Variants in ELL observed in about 807,000 individuals in gnomAD.
The protein encoded by ELL is RNA polymerase II elongation factor ELL.
ELL carries 18 observed loss-of-function variants against 64.0 expected under a neutral mutation model. The observed-to-expected ratio is 0.28, with a 90% CI of 0.19 to 0.42. The LOEUF (loss-of-function observed/expected upper bound fraction) is 0.42. Ranked by LOEUF, ELL falls within the 10% of genes least tolerant of loss-of-function variation. ELL has a pLI of 1.00. For synonymous variants in ELL, 399 were observed against 376.2 expected (o/e 1.06, Z -0.70); for missense variants, 797 against 870.4 (o/e 0.92, Z 1.06).
chr19:18,467,749 C>T (rs1325103493), intron 2 of ELL, among the ~76,000 whole-genome samples: 2 of 135,254 alleles, frequency 1.5e-5, no homozygotes, highest in East Asian at 2.3e-4. Context: ...CACACAAACA[C>T]AACCCCTCCA....
At chr19:18,453,023 G>T (rs1203524162) in intron 6 of ELL, among the ~76,000 whole-genome samples, 2 of 152,254 alleles carry the variant, frequency 1.3e-5, no homozygotes, top group Non-Finnish European at 2.9e-5. Context: ...TGTAATCCCA[G>T]CACTTTGGGA....
Position 18,522,050 on chromosome 19 carries a change from C to T in ELL, c.6G>A (p.Ala2=). 1.2e-6 allele frequency: 2 copies of T among 1,602,176 alleles called. No homozygotes were observed. The highest frequency in any genetic ancestry group is 1.7e-6 in the Non-Finnish European group (2 of 1,173,028). ...CGTAGCTCCTATCCTCCTTCAGCGC[C>T]GCCATCTTGCGACCATCTCTCCCCC... is the stretch of plus-strand genomic sequence containing the variant. M[A]ALKEDRSYGL... Residue 2 remains alanine, a synonymous_variant, in exon 1 of 12, where the codon GCG becomes GCA. Coordinates refer to ENST00000262809, the MANE Select transcript of ELL (RefSeq NM_006532.4).
chr19:18,516,177 C>A (rs1976123407), intron 1 of ELL, among the ~76,000 whole-genome samples: 1 of 152,102 alleles, frequency 6.6e-6, no homozygotes. Context: ...CCACCGGTGC[C>A]AAGGGTGACA....
chr19:18,472,667 TG>T, intron 2 of ELL, 167 bp downstream of exon 2: 1 of 769,582 alleles, frequency 1.3e-6, no homozygotes, highest in Non-Finnish European at 2.1e-6. Context: ...CGTCCTGGTG[TG>T]GCCCCAGCCA....
chr19:18,461,524 C>G (rs1284596864), intron 5 of ELL, 54 bp downstream of exon 5: 3 of 1,550,258 alleles, frequency 1.9e-6, no homozygotes, highest in African/African-American at 1.3e-5. Flanking sequence ...CCCACCCGCA[C>G]AAGACCATCT....
intron 1 of ELL, among the ~76,000 whole-genome samples, chr19:18,474,684 G>C (rs374712747): frequency 6.6e-6 from 1 of 152,236 alleles, no homozygotes; most frequent in Non-Finnish European, 1.5e-5. Flanking sequence ...CTGCGACAAG[G>C]GGGGCTCGTC....
At chr19:18,468,157 C>A (rs1415515675) in intron 2 of ELL, among the ~76,000 whole-genome samples, 1 of 150,504 alleles carries the variant, frequency 6.6e-6, no homozygotes, top group Non-Finnish European at 1.5e-5. Flanking sequence ...CACACAAACA[C>A]AACTCACACA....
chr19:18,498,544 C>T (rs369642199), intron 1 of ELL, among the ~76,000 whole-genome samples: 2 of 152,186 alleles, frequency 1.3e-5, no homozygotes, highest in South Asian at 2.1e-4. Context: ...GGCAGTGTCA[C>T]GACCAGGACA....
chr19:18,497,136 A>G (rs1318331537), intron 1 of ELL, among the ~76,000 whole-genome samples: 1 of 152,234 alleles, frequency 6.6e-6, no homozygotes, highest in Non-Finnish European at 1.5e-5. Flanking sequence ...AGCAAACAAG[A>G]TGTCCTTCAG....
At chr19:18,479,410 G>A (rs950299736) in intron 1 of ELL, among the ~76,000 whole-genome samples, 2 of 152,162 alleles carry the variant, frequency 1.3e-5, no homozygotes, top group African/African-American at 4.8e-5. Flanking sequence ...GGGTGAAGAA[G>A]AACGTATCTG....
In ELL at chr19:18,443,591, C is replaced by T. The variant is rs1974340895; in HGVS notation, c.*1161G>A. On this transcript the variant is annotated 3_prime_UTR_variant, in exon 12 of 12. Coordinates refer to ENST00000262809, the MANE Select transcript of ELL (RefSeq NM_006532.4). ...CCTGGGGGGTCCCCACATACGCACA[C>T]TCACACACCCACACTTGCGTGGCCC... 4.3e-6 allele frequency: 1 copy of T among 233,452 alleles called. No homozygotes were observed. The highest frequency in any genetic ancestry group is 8.5e-6 in the Non-Finnish European group (1 of 118,118). 14.5% of individuals were successfully genotyped at this position (233,452 alleles called of 1,614,324 possible). A position where few individuals can be genotyped will look rare whatever the true frequency, so the allele number is the denominator to read the frequency against.
chr19:18,446,368 G>A lies in ELL; in HGVS notation c.1645C>T (p.Arg549Trp), dbSNP rs897865225. ...AGCTGGGCGTCGAGCTGGGTGAACC[G>A]CCGCGTGATGCGCTCAATGCGGGCG... is the stretch of plus-strand genomic sequence containing the variant. ...LHARIERITRRFTQLDAQLRQ... is the reference protein window; with the variant it reads ...LHARIERITRWFTQLDAQLRQ... The change falls in exon 10 of 12, where the codon CGG becomes TGG. Residue 549 changes from arginine to tryptophan, a missense_variant. By Grantham distance (101) the Arg-to-Trp change is moderately radical (BLOSUM62 -3). Transcript: ENST00000262809. 5.0e-6 allele frequency: 8 copies of A among 1,608,176 alleles called. No individual in the cohort carries two copies. The highest frequency in any genetic ancestry group is 2.2e-5 in the East Asian group (1 of 44,662).
intron 5 of ELL, among the ~76,000 whole-genome samples, chr19:18,459,231 C>CTGG (rs1232704138): frequency 6.6e-6 from 1 of 152,130 alleles, no homozygotes; most frequent in Non-Finnish European, 1.5e-5. Context: ...GCTGGGGATG[C>CTGG]TGGGTGAGGG....
chr19:18,484,724 GCTC>G (rs1975375980), intron 1 of ELL, among the ~76,000 whole-genome samples: 1 of 152,136 alleles, frequency 6.6e-6, no homozygotes, highest in African/African-American at 2.4e-5. Context: ...CTCCACCTGT[GCTC>G]CTCAAGAGGA....
At chr19:18,465,327 G>C in intron 4 of ELL, 85 bp downstream of exon 4, 1 of 1,496,206 alleles carries the variant, frequency 6.7e-7, no homozygotes, top group Non-Finnish European at 8.9e-7. Context: ...GGCACAGCCA[G>C]TGCCCAGCCT....
intron 1 of ELL, among the ~76,000 whole-genome samples, chr19:18,504,419 C>T (rs969759168): frequency 6.6e-6 from 1 of 151,486 alleles, no homozygotes. Flanking sequence ...CTACAGAGCT[C>T]AGCATTCTTC....
chr19:18,471,579 A>G (rs920590094), intron 2 of ELL, among the ~76,000 whole-genome samples: 11 of 151,932 alleles, frequency 7.2e-5, no homozygotes, highest in African/African-American at 2.7e-4. Flanking sequence ...TAGGCAGGAG[A>G]ATTACTTGAA....
At chr19:18,512,081 G>A (rs1340614601) in intron 1 of ELL, among the ~76,000 whole-genome samples, 3 of 152,092 alleles carry the variant, frequency 2.0e-5, no homozygotes, top group Non-Finnish European at 4.4e-5. Flanking sequence ...CTTGAACCCA[G>A]GGGGCAGAGG....
At chr19:18,460,911 G>A (rs1974796316) in intron 5 of ELL, among the ~76,000 whole-genome samples, 1 of 152,176 alleles carries the variant, frequency 6.6e-6, no homozygotes, top group African/African-American at 2.4e-5. Context: ...GCCAGTGCGA[G>A]TCACTCCCCT....
Sources: gnomAD v4.1 joint callset for allele counts (sites outside exome capture counted in the v4.1 genomes callset) on GRCh38, gnomAD v4.1.1 for gene constraint, MANE v1.5 for transcripts, NCBI Gene and HGNC (gene_info 2026-07-23, HGNC 2026-07-21) for gene names.